SERINC5: variants seen among roughly 807,000 people sequenced by gnomAD.
The protein encoded by SERINC5 is serine incorporator 5.
SERINC5 carries 41 observed loss-of-function variants against 63.1 expected under a neutral mutation model. The observed-to-expected ratio is 0.65, with a 90% CI of 0.51 to 0.84. The LOEUF is 0.84. Ranked by LOEUF, SERINC5 falls within the 40% of genes least tolerant of loss-of-function variation. SERINC5 has a pLI of 0.00. For synonymous variants in SERINC5, 222 were observed against 215.2 expected, an observed-to-expected ratio of 1.03 and a Z score of -0.28; for missense variants, 523 against 573.0, an observed-to-expected ratio of 0.91 and a Z score of 0.89.
chr5:80,173,135 GGAAA>G (rs1174630541), intron 5 of SERINC5, among the ~76,000 whole-genome samples: 3 of 150,920 alleles, frequency 2.0e-5, no homozygotes, highest in South Asian at 2.1e-4. Flanking sequence ...AGGGGAAGAG[GGAAA>G]GAAAGAAAGA....
rs556575820 is a variant in SERINC5 at position 80,251,625 on chromosome 5, G to C, written c.27+4271C>G. 3.9e-5 allele frequency among the ~76,000 whole-genome samples: 6 copies of C among 151,944 alleles called. No homozygotes were observed. In the East Asian group the frequency reaches 1.2e-3, roughly 30 times the overall value. On this transcript the variant is annotated intron_variant, in intron 1 of 11. Coordinates refer to ENST00000507668, the MANE Select transcript of SERINC5 (RefSeq NM_001174072.3). ...AGTGCCTGTAATCCCAGCTATTCAG[G>C]AGGCTGAGGCAGGAGAATCGCTTGG...
chr5:80,117,545 G>A (rs142664466), intron 11 of SERINC5, among the ~76,000 whole-genome samples: 1 of 150,226 alleles, frequency 6.7e-6, no homozygotes, highest in Non-Finnish European at 1.5e-5. Flanking sequence ...CTTACCATCT[G>A]TCAGCATGCC....
intron 2 of SERINC5, among the ~76,000 whole-genome samples, chr5:80,191,818 G>A (rs1749209679): frequency 6.6e-6 from 1 of 151,558 alleles, no homozygotes; most frequent in Non-Finnish European, 1.5e-5. Context: ...TACCCACTAT[G>A]TGGTTCATAC....
chr5:80,147,357 C>T, intron 9 of SERINC5, 73 bp from the exon 10 acceptor site: 12 of 1,492,218 alleles, frequency 8.0e-6, no homozygotes, highest in Middle Eastern at 1.7e-4. Context: ...CAACAGTAAC[C>T]CTTATTTGAA....
At chr5:80,190,855 A>T (rs1580141179) in intron 2 of SERINC5, among the ~76,000 whole-genome samples, 1 of 152,322 alleles carries the variant, frequency 6.6e-6, no homozygotes, top group Admixed American at 6.5e-5. Flanking sequence ...CGGCCCCAGC[A>T]TCTTTCTTAT....
Position 80,138,948 on chromosome 5 carries a change from A to G in SERINC5, c.*4715T>C, listed in dbSNP as rs1745342904. On this transcript the variant is annotated 3_prime_UTR_variant, in exon 12 of 12. Coordinates refer to ENST00000507668, the MANE Select transcript of SERINC5 (RefSeq NM_001174072.3). ...AGTTAACAAGTTTTGAGTTTTTTATATAGGAAAAGCCTAGTCAATTCAGAT... is the reference window on the plus strand; with the variant it reads ...AGTTAACAAGTTTTGAGTTTTTTATGTAGGAAAAGCCTAGTCAATTCAGAT... 1 of 974,200 alleles carries G rather than the reference A, an allele frequency of 1.0e-6. No individual in the cohort carries two copies. The highest frequency in any genetic ancestry group is 1.2e-6 in the Non-Finnish European group (1 of 819,882). The allele number at this position is 974,200 out of a possible 1,614,324, so 60.3% of individuals were successfully genotyped here. A position where few individuals can be genotyped will look rare whatever the true frequency, so the allele number is the denominator to read the frequency against.
At chr5:80,114,493 A>G in intron 11 of SERINC5, 1 of 199,662 alleles carries the variant, frequency 5.0e-6, no homozygotes, top group Non-Finnish European at 1.1e-5. Flanking sequence ...ATCACCACTA[A>G]AAATACAAAA....
intron 1 of SERINC5, among the ~76,000 whole-genome samples, chr5:80,251,290 GCATACATACATACATACATA>G (rs201874043): frequency 7.7e-4 from 76 of 98,590 alleles, no homozygotes; most frequent in Non-Finnish European, 4.8e-4. Flanking sequence ...ATACATACAT[GCATACATACATACATACATA>G]CATACATACA....
At chr5:80,246,172 G>A (rs1017676502) in intron 1 of SERINC5, among the ~76,000 whole-genome samples, 1 of 151,992 alleles carries the variant, frequency 6.6e-6, no homozygotes, top group African/African-American at 2.4e-5. Flanking sequence ...ATGGAATCAA[G>A]AACAAAAGAC....
chr5:80,150,799 T>C (rs1746130400), intron 9 of SERINC5, 83 bp downstream of exon 9: 1 of 945,862 alleles, frequency 1.1e-6, no homozygotes, highest in South Asian at 1.3e-5. Context: ...GAATGCAGAC[T>C]GATAAAGACA....
At chr5:80,144,997 T>TA (rs60256731) in intron 11 of SERINC5, among the ~76,000 whole-genome samples, 2,618 of 143,984 alleles carry the variant, frequency 0.018, 37 homozygotes, top group Middle Eastern at 0.043. Flanking sequence ...ACTGCCAAGT[T>TA]AAAAAAAAAA....
At chr5:80,178,364 C>T in intron 2 of SERINC5, among the ~76,000 whole-genome samples, 1 of 126,750 alleles carries the variant, frequency 7.9e-6, no homozygotes, top group Non-Finnish European at 1.7e-5. Flanking sequence ...ACCCCCACCC[C>T]ACCCCCGACC....
At chr5:80,124,182 A>C (rs1354435284) in intron 11 of SERINC5, among the ~76,000 whole-genome samples, 2 of 152,166 alleles carry the variant, frequency 1.3e-5, no homozygotes, top group Non-Finnish European at 2.9e-5. Context: ...CCAGGACTCG[A>C]TTAATAAACT....
intron 1 of SERINC5, among the ~76,000 whole-genome samples, chr5:80,235,654 T>C (rs1751654003): frequency 6.6e-6 from 1 of 152,170 alleles, no homozygotes; most frequent in Non-Finnish European, 1.5e-5. Flanking sequence ...TGGAGTGCAG[T>C]GGCATGATCT....
rs1041691934 is a variant in SERINC5 at position 80,227,738 on chromosome 5, A to T, written c.28-24685T>A. On this transcript the variant is annotated intron_variant, in intron 1 of 11. Coordinates refer to ENST00000507668, the MANE Select transcript of SERINC5 (RefSeq NM_001174072.3). ...GGGGCGAACACCTGCGGTCCCAGCT[A>T]CTCAGGAGGCTGAGGCATGAGAATC... 1.6e-4 allele frequency among the ~76,000 whole-genome samples: 24 copies of T among 152,114 alleles called. 1 individual carries two copies. Among genetic ancestry groups the T allele is most frequent in the Admixed American group, 1.6e-3 (24 of 15,262 alleles).
rs759456357 is a variant in SERINC5 at position 80,177,326 on chromosome 5, G to C, written c.446C>G (p.Thr149Ser). 9 of 1,611,834 alleles carry C rather than the reference G, an allele frequency of 5.6e-6. No homozygotes were observed. The Middle Eastern group carries it at 6.6e-4, about 118-fold the overall frequency. Residue 149 changes from threonine (T) to serine (S), a missense_variant, in exon 4 of 12, where the codon ACC (threonine) becomes AGC (serine). Transcript: ENST00000507668. Reference sequence around the variant, plus strand: ...TACCCCATTAGTACCGTTCAGAAAGGTGTCCTGATCTGGAATGAAGAAAGC... The same window carrying C: ...TACCCCATTAGTACCGTTCAGAAAGCTGTCCTGATCTGGAATGAAGAAAGC... ...SGAFFIPDQDTFLNAWRYVGA... is the reference protein window; with the variant it reads ...SGAFFIPDQDSFLNAWRYVGA...
intron 1 of SERINC5, among the ~76,000 whole-genome samples, chr5:80,209,360 C>CAG (rs1750327217): frequency 2.0e-5 from 3 of 152,128 alleles, no homozygotes; most frequent in Admixed American, 1.3e-4. Flanking sequence ...GACACACACA[C>CAG]AGGGACAGCA....
At chr5:80,145,372 A>T (rs1745751859) in intron 11 of SERINC5, among the ~76,000 whole-genome samples, 1 of 150,910 alleles carries the variant, frequency 6.6e-6, no homozygotes, top group African/African-American at 2.4e-5. Flanking sequence ...GAGGTTTATA[A>T]ATGCACAGAA....
intron 8 of SERINC5, among the ~76,000 whole-genome samples, chr5:80,156,259 A>G (rs1051570983): frequency 2.0e-5 from 3 of 152,134 alleles, no homozygotes; most frequent in African/African-American, 7.2e-5. Context: ...CCTTTTTGTA[A>G]CATCCTCCAA....
Sources: allele counts gnomAD v4.1 joint callset (sites outside exome capture counted in the v4.1 genomes callset), GRCh38; gene constraint gnomAD v4.1.1; transcripts MANE v1.5; gene names NCBI Gene and HGNC (gene_info 2026-07-23, HGNC 2026-07-21).